The following CD151 variants were observed in gnomAD, a reference collection of about 807,000 sequenced individuals.
CD151 encodes CD151 molecule (Raph blood group).
A neutral mutation model predicts 34.2 loss-of-function variants in CD151; 20 were observed. The ratio of observed to expected loss-of-function variants is 0.58; its 90% CI spans 0.41 to 0.85. The LOEUF is 0.85. CD151 is among the 40% of genes least tolerant of loss of function. The probability of loss-of-function intolerance (pLI) is 0.00; values close to 1 mark genes in which losing one functional copy is unlikely to be tolerated. For synonymous variants in CD151, 157 were observed against 131.7 expected, an observed-to-expected ratio of 1.19 and a Z score of -1.32; for missense variants, 306 against 324.5, an observed-to-expected ratio of 0.94 and a Z score of 0.44.
chr11:836,642 G>A (rs1293923393), intron 4 of CD151, 127 bp from the exon 5 acceptor site: 3 of 950,242 alleles, frequency 3.2e-6, no homozygotes, highest in East Asian at 5.2e-5. Context: ...GAAAGCTTCA[G>A]GGAGGGTGGC....
At chr11:837,060 G>A (rs375930736) in intron 5 of CD151, 190 bp from the exon 6 acceptor site, 30 of 655,620 alleles carry the variant, frequency 4.6e-5, no homozygotes, top group Middle Eastern at 3.3e-4. Flanking sequence ...TGCCTCTGCC[G>A]CACTTCATTG....
Position 838,027 on chromosome 11 carries a change from A to G in CD151, c.701A>G (p.Gln234Arg). Residue 234 changes from glutamine to arginine, a missense_variant and splice_region_variant, in exon 8 of 9, where the codon CAG becomes CGG. Coordinates refer to ENST00000397420, the MANE Select transcript of CD151 (RefSeq NM_004357.5). Reference sequence around the variant, plus strand: ...GTGGGGATCGGCATTGCCTGTGTGCAGGTGAGGGCACATGGGGGTGGCGGT... The same window carrying G: ...GTGGGGATCGGCATTGCCTGTGTGCGGGTGAGGGCACATGGGGGTGGCGGT... ...GAVGIGIACV[Q>R]VFGMIFTCCL... The G allele has an allele frequency of 6.2e-7, 1 of 1,612,848 alleles. No homozygotes were observed. Among genetic ancestry groups the G allele is most frequent in the Non-Finnish European group, 8.5e-7 (1 of 1,179,282 alleles).
Position 835,834 on chromosome 11 carries a change from CCCG to C in CD151, c.-7-226_-7-224del, listed in dbSNP as rs1374065993. On this transcript the variant is annotated intron_variant, in intron 2 of 8. Coordinates refer to ENST00000397420, the MANE Select transcript of CD151 (RefSeq NM_004357.5). ...TCCCAAGTAGCTGGGACTACAGGCG[CCCG>C]CCACCACGCCCGGCTAATTTTTTGT... is the stretch of plus-strand genomic sequence containing the variant. The C allele has an allele frequency of 8.5e-6, 4 of 471,864 alleles. No individual in the cohort carries two copies. In the Admixed American group the frequency reaches 1.4e-4, roughly 16 times the overall value. 29.2% of individuals were successfully genotyped at this position (471,864 alleles called of 1,614,324 possible). A position where few individuals can be genotyped will look rare whatever the true frequency, so the allele number is the denominator to read the frequency against.
In CD151 at chr11:835,982, T is replaced by C. The variant is rs111513791; in HGVS notation, c.-7-81T>C. ...GATTACAGGCGTGAGCCACCGCGCC[T>C]GGCCCTGTGTCCCCTCCTATCCGTC... On this transcript the variant is annotated intron_variant, in intron 2 of 8. Coordinates refer to ENST00000397420, the MANE Select transcript of CD151 (RefSeq NM_004357.5). 8.1e-4 allele frequency: 672 copies of C among 827,662 alleles called. 2 individuals are homozygous for C. In the Middle Eastern group the frequency reaches 0.018, roughly 22 times the overall value. 51.3% of individuals were successfully genotyped at this position (827,662 alleles called of 1,614,324 possible).
intron 4 of CD151, 146 bp from the exon 5 acceptor site, chr11:836,623 G>A (rs1846781978): frequency 1.1e-6 from 1 of 872,546 alleles, no homozygotes; most frequent in Non-Finnish European, 1.8e-6. Flanking sequence ...GAAGACACCA[G>A]CTCCGCAAGA....
At chr11:836,194 C>T in intron 3 of CD151, 41 bp downstream of exon 3, 1 of 1,568,772 alleles carries the variant, frequency 6.4e-7, no homozygotes, top group Non-Finnish European at 8.8e-7. Context: ...ACCCCCACCC[C>T]TCCCGGGCCA....
chr11:838,225 A>G lies in CD151; in HGVS notation c.*33A>G, dbSNP rs748660774. 3.8e-6 allele frequency: 6 copies of G among 1,587,220 alleles called. No individual in the cohort carries two copies. The highest frequency in any genetic ancestry group is 1.7e-5 in the Admixed American group (1 of 59,936). ...TTGGGCCTTGCTGCTGCTGCACCCAACTACTGAGCTGAGACCACTGAGTAC... is the reference window on the plus strand; with the variant it reads ...TTGGGCCTTGCTGCTGCTGCACCCAGCTACTGAGCTGAGACCACTGAGTAC... On this transcript the variant is annotated 3_prime_UTR_variant, in exon 9 of 9. Transcript: ENST00000397420.
In CD151 at chr11:836,492, G is replaced by A. The variant is rs1225881285; in HGVS notation, c.276+50G>A. 3 of 1,381,652 alleles carry A rather than the reference G, an allele frequency of 2.2e-6. No individual in the cohort carries two copies. In the African/African-American group the frequency reaches 4.3e-5, roughly 20 times the overall value. The allele number at this position is 1,381,652 out of a possible 1,614,324, so 85.6% of individuals were successfully genotyped here. On this transcript the variant is annotated intron_variant, in intron 4 of 8. Transcript: ENST00000397420. Reference sequence around the variant, plus strand: ...GTGGGGGTGGTGCAGATGGGCCCAAGGAGGTTGTCGCTGCAGGCTTTGAAC... The same window carrying A: ...GTGGGGGTGGTGCAGATGGGCCCAAAGAGGTTGTCGCTGCAGGCTTTGAAC...
Position 836,764 on chromosome 11 carries a change from C to G in CD151, c.277-5C>G, listed in dbSNP as rs374490956. On this transcript the variant is annotated splice_region_variant and splice_polypyrimidine_tract_variant and intron_variant, in intron 4 of 8. Coordinates refer to ENST00000397420, the MANE Select transcript of CD151 (RefSeq NM_004357.5). Reference sequence around the variant, plus strand: ...ACAAGGGTGCCCTTGTGCTGCCCCCCCCAGTACTTCATCCTGCTCCTCATC... The same window carrying G: ...ACAAGGGTGCCCTTGTGCTGCCCCCGCCAGTACTTCATCCTGCTCCTCATC... 5.8e-5 allele frequency: 94 copies of G among 1,612,662 alleles called. No homozygotes were observed. In the African/African-American group the frequency reaches 9.7e-4, roughly 17 times the overall value.
chr11:838,372 G>C lies in CD151; in HGVS notation c.*180G>C. 3 of 602,806 alleles carry C rather than the reference G, an allele frequency of 5.0e-6. No homozygotes were observed. The highest frequency in any genetic ancestry group is 5.6e-5 in the East Asian group (2 of 35,918). 37.3% of individuals were successfully genotyped at this position (602,806 alleles called of 1,614,324 possible). On this transcript the variant is annotated 3_prime_UTR_variant, in exon 9 of 9. Transcript: ENST00000397420. ...CACCAATGCCCAGCAGGGGAGGTGA[G>C]GGGGGCTGGCGGGGCGAAGTTTGGG...
intron 7 of CD151, 21 bp from the exon 8 acceptor site, chr11:837,921 A>C (rs1261107713): frequency 6.3e-7 from 1 of 1,596,050 alleles, no homozygotes. Flanking sequence ...CCCGCCTTCA[A>C]CACCCATCCG....
rs757238543 is a variant in CD151, at chr11:837,353, A to T, written c.455A>T (p.Glu152Val). ...VTSAVDQLQQ[E>V]FHCCGSNNSQ... The stretch of plus-strand genomic sequence containing the variant: ...AGCGCTGTGGACCAGCTGCAGCAGG[A>T]GGTGGGTGGGTGGTGCTGGGAGGGC... The change falls in exon 6 of 9, where the codon GAG becomes GTG. Residue 152 changes from glutamate to valine, a missense_variant and splice_region_variant. By Grantham distance (121) the Glu-to-Val change is moderately radical. Coordinates refer to ENST00000397420, the MANE Select transcript of CD151 (RefSeq NM_004357.5). 5 of 1,612,274 alleles carry T rather than the reference A, an allele frequency of 3.1e-6. No homozygotes were observed. Among genetic ancestry groups the T allele is most frequent in the South Asian group, 2.2e-5 (2 of 91,062 alleles).
At chr11:836,220 A>G in intron 3 of CD151, 31 bp from the exon 4 acceptor site, 1 of 1,474,792 alleles carries the variant, frequency 6.8e-7, no homozygotes, top group Non-Finnish European at 9.4e-7. Flanking sequence ...AGACCTGGGC[A>G]GATGCGATGA....
In CD151 at chr11:838,340, T is replaced by G. The variant is rs1590211544; in HGVS notation, c.*148T>G. On this transcript the variant is annotated 3_prime_UTR_variant, in exon 9 of 9. Coordinates refer to ENST00000397420, the MANE Select transcript of CD151 (RefSeq NM_004357.5). ...CTCAGAGGCAGCTTCAAGTGCCTTT[T>G]GCTGCGCACCAATGCCCAGCAGGGG... The G allele has an allele frequency of 8.2e-6, 5 of 610,494 alleles. No individual in the cohort carries two copies. The highest frequency in any genetic ancestry group is 3.1e-5 in the East Asian group (1 of 31,832). 37.8% of individuals were successfully genotyped at this position (610,494 alleles called of 1,614,324 possible).
intron 4 of CD151, 145 bp from the exon 5 acceptor site, chr11:836,624 C>T: frequency 1.1e-6 from 1 of 874,198 alleles, no homozygotes; most frequent in African/African-American, 1.7e-5. Flanking sequence ...AAGACACCAG[C>T]TCCGCAAGAA....
intron 5 of CD151, 99 bp from the exon 6 acceptor site, chr11:837,151 C>T (rs1315842544): frequency 4.1e-6 from 4 of 982,836 alleles, no homozygotes; most frequent in East Asian, 2.4e-5. Context: ...TGGCTCTGAG[C>T]TGGGCCCCGG....
At position 837,304 on chromosome 11, in the gene CD151, C is replaced by A; in HGVS notation, c.406C>A (p.Gln136Lys). The change falls in exon 6 of 9, where the codon CAG (glutamine) becomes AAG (lysine). Residue 136 changes from glutamine to lysine, a missense_variant. Gln to Lys is a moderately conservative substitution (Grantham distance 53). Transcript: ENST00000397420. ...GGACACCATGACCAAGCGCTACCACCAGCCGGGCCATGAGGCTGTGACCAG... is the reference window on the plus strand; with the variant it reads ...GGACACCATGACCAAGCGCTACCACAAGCCGGGCCATGAGGCTGTGACCAG... ...LKDTMTKRYH[Q>K]PGHEAVTSAV... The A allele has an allele frequency of 6.2e-7, 1 of 1,613,040 alleles. No individual in the cohort carries two copies.
Position 837,983 on chromosome 11 carries a change from C to A in CD151, c.657C>A (p.His219Gln), listed in dbSNP as rs771826222. The change falls in exon 8 of 9, where the codon CAC becomes CAA. Residue 219 changes from histidine (H) to glutamine (Q), a missense_variant. Coordinates refer to ENST00000397420, the MANE Select transcript of CD151 (RefSeq NM_004357.5). ...AGTTGGAGACCTTCATCCAGGAGCA[C>A]CTGAGGGTCATTGGGGCTGTGGGGA... ...ITKLETFIQEHLRVIGAVGIG... is the reference protein window; with the variant it reads ...ITKLETFIQEQLRVIGAVGIG... The A allele has an allele frequency of 1.2e-6, 2 of 1,613,386 alleles. No individual in the cohort carries two copies. Among genetic ancestry groups the A allele is most frequent in the East Asian group, 4.5e-5 (2 of 44,866 alleles).
In CD151 at chr11:837,318, G is replaced by C. The variant is rs1227565956; in HGVS notation, c.420G>C (p.Glu140Asp). 3 of 1,612,882 alleles carry C rather than the reference G, an allele frequency of 1.9e-6. No individual in the cohort carries two copies. Among genetic ancestry groups the C allele is most frequent in the Non-Finnish European group, 2.5e-6 (3 of 1,179,976 alleles). ...AGCGCTACCACCAGCCGGGCCATGA[G>C]GCTGTGACCAGCGCTGTGGACCAGC... ...MTKRYHQPGH[E>D]AVTSAVDQLQ... Residue 140 changes from glutamate to aspartate, a missense_variant, in exon 6 of 9, where the codon GAG (glutamate) becomes GAC (aspartate). By Grantham distance (45) the Glu-to-Asp change is conservative (BLOSUM62 2). Transcript: ENST00000397420.
Sources: allele counts gnomAD v4.1 joint callset, GRCh38; gene constraint gnomAD v4.1.1; transcripts MANE v1.5; gene names NCBI Gene and HGNC (gene_info 2026-07-23, HGNC 2026-07-21).